EPB41L1: variants seen among roughly 807,000 people sequenced by gnomAD.
EPB41L1 encodes band 4.1-like protein 1.
A neutral mutation model predicts 97.8 loss-of-function variants in EPB41L1; 29 were observed. That is an observed-to-expected ratio of 0.30 (90% CI 0.22 to 0.40). The LOEUF (loss-of-function observed/expected upper bound fraction) is 0.40. EPB41L1 is among the 10% of genes least tolerant of loss of function. The pLI is 1.00. For missense variants in EPB41L1, 812 were observed against 1,162.3 expected (o/e 0.70, Z 4.38); for synonymous variants, 383 against 459.2 (o/e 0.83, Z 2.12).
In EPB41L1 at chr20:36,190,162, C is replaced by G. The variant is rs6060851; in HGVS notation, c.1027-115C>G. 1.2e-6 allele frequency: 1 copy of G among 851,302 alleles called. No homozygotes were observed. The highest frequency in any genetic ancestry group is 1.9e-6 in the Non-Finnish European group (1 of 516,332). 52.7% of individuals were successfully genotyped at this position (851,302 alleles called of 1,614,324 possible). On this transcript the variant is annotated intron_variant, in intron 9 of 21. Transcript: ENST00000338074. The surrounding 1 kb of genome is among the most constrained non-coding windows in gnomAD (Gnocchi z 5.8). ...CTGTACTCCACCCTGGGCAAATGAT[C>G]GAGACCCTGTGTCTCAAAAAAACAT...
At chr20:36,166,644 T>C (rs562042569) in intron 1 of EPB41L1, among the ~76,000 whole-genome samples, 1 of 152,086 alleles carries the variant, frequency 6.6e-6, no homozygotes, top group Non-Finnish European at 1.5e-5. Context: ...CCTAGCACTT[T>C]GGGAGGCCAA....
chr20:36,159,042 G>A (rs2060426634), intron 1 of EPB41L1, among the ~76,000 whole-genome samples: 1 of 152,152 alleles, frequency 6.6e-6, no homozygotes, highest in South Asian at 2.1e-4. Flanking sequence ...TTGGAGGGCT[G>A]GGGAGGGATC....
chr20:36,216,880 G>A (rs868804039), intron 17 of EPB41L1, among the ~76,000 whole-genome samples: 5 of 152,154 alleles, frequency 3.3e-5, no homozygotes, highest in East Asian at 3.8e-4. Context: ...GGATTTGGTC[G>A]TTGGTAGGAT....
intron 1 of EPB41L1, among the ~76,000 whole-genome samples, chr20:36,105,932 C>T (rs2058175798): frequency 6.6e-6 from 1 of 152,156 alleles, no homozygotes; most frequent in Non-Finnish European, 1.5e-5. Flanking sequence ...TTCCAGGGCC[C>T]TCTCCTCCCC....
intron 2 of EPB41L1, among the ~76,000 whole-genome samples, chr20:36,142,536 C>G (rs1182482141): frequency 1.3e-5 from 2 of 152,222 alleles, no homozygotes; most frequent in Admixed American, 1.3e-4. Context: ...GCTGCATTGA[C>G]ACTGTCTGAA....
At position 36,222,393 on chromosome 20, in the gene EPB41L1, A is replaced by G. The variant is rs1344626068; in HGVS notation, c.2636A>G (p.Gln879Arg). Residue 879 changes from glutamine (Q) to arginine (R), a missense_variant and splice_region_variant, in exon 21 of 22, where the codon CAG (glutamine) becomes CGG (arginine). Gln to Arg is a conservative substitution (Grantham distance 43). Coordinates refer to ENST00000338074, the MANE Select transcript of EPB41L1 (RefSeq NM_012156.2). ...CCAGAGGAGAGGGACAAGAAGCCAC[A>G]GGTAAGGCTCCTGAGGCCCAGCAAC... ...PSPEERDKKP[Q>R]ES The G allele has an allele frequency of 2.5e-6, 4 of 1,612,494 alleles. No individual in the cohort carries two copies. The highest frequency in any genetic ancestry group is 2.5e-6 in the Non-Finnish European group (3 of 1,178,750).
intron 2 of EPB41L1, chr20:36,121,868 A>T (rs1181675514): frequency 6.6e-6 from 1 of 152,440 alleles, no homozygotes; most frequent in Non-Finnish European, 1.5e-5. Flanking sequence ...GGAAGGCTGG[A>T]GTGGAGGTGG....
In EPB41L1 at chr20:36,132,372, A is replaced by G. The variant is rs1600482952; in HGVS notation, c.-10+19892A>G. 1.3e-5 allele frequency among the ~76,000 whole-genome samples: 2 copies of G among 152,002 alleles called. 1 individual carries two copies. The highest frequency in any genetic ancestry group is 6.8e-3 in the Middle Eastern group (2 of 294). On this transcript the variant is annotated intron_variant, in intron 2 of 19. Coordinates refer to the EPB41L1 transcript ENST00000202028. ...CCCTCCCACCTCTGCCTCCGTCATCATATCTCCTCCGATTCCCCCAAATCC... is the reference window on the plus strand; with the variant it reads ...CCCTCCCACCTCTGCCTCCGTCATCGTATCTCCTCCGATTCCCCCAAATCC...
At chr20:36,175,891 G>A (rs2061206347) in intron 3 of EPB41L1, among the ~76,000 whole-genome samples, 176 bp downstream of exon 3, 1 of 152,134 alleles carries the variant, frequency 6.6e-6, no homozygotes, top group Non-Finnish European at 1.5e-5. Context: ...ACCAAAGCCT[G>A]GAGAGAGTGG....
chr20:36,142,891 A>G (rs912492148), intron 2 of EPB41L1, among the ~76,000 whole-genome samples: 2 of 152,180 alleles, frequency 1.3e-5, no homozygotes, highest in African/African-American at 2.4e-5. Flanking sequence ...GTAGTCACCA[A>G]TCCAAGACAT....
chr20:36,118,510 A>G (rs1206637653), intron 2 of EPB41L1, among the ~76,000 whole-genome samples: 1 of 152,206 alleles, frequency 6.6e-6, no homozygotes, highest in African/African-American at 2.4e-5. Context: ...CCTAAGGAGC[A>G]TTGGAGTTTA....
chr20:36,209,425 A>G lies in EPB41L1; in HGVS notation c.1669-63A>G. 1 of 1,561,254 alleles carries G rather than the reference A, an allele frequency of 6.4e-7. No individual in the cohort carries two copies. Among genetic ancestry groups the G allele is most frequent in the Non-Finnish European group, 8.7e-7 (1 of 1,146,988 alleles). On this transcript the variant is annotated intron_variant, in intron 14 of 21. Coordinates refer to ENST00000338074, the MANE Select transcript of EPB41L1 (RefSeq NM_012156.2). The surrounding 1 kb of genome is among the most constrained non-coding windows in gnomAD (Gnocchi z 4.2). Reference sequence around the variant, plus strand: ...ATTTCTCCTGACATTCACCATCTTGATTTCTCTTTCTCTCTCTCTCCCCAC... The same window carrying G: ...ATTTCTCCTGACATTCACCATCTTGGTTTCTCTTTCTCTCTCTCTCCCCAC...
At chr20:36,156,111 C>T (rs575174546) in intron 1 of EPB41L1, among the ~76,000 whole-genome samples, 3 of 152,332 alleles carry the variant, frequency 2.0e-5, no homozygotes, top group African/African-American at 7.2e-5. Flanking sequence ...GCAGCCTGTG[C>T]CAGCCTCCCC....
rs532545086 is a variant in EPB41L1, at chr20:36,098,976, C to T, written c.-65+7364C>T. 2.4e-4 allele frequency among the ~76,000 whole-genome samples: 36 copies of T among 152,264 alleles called. No individual in the cohort carries two copies. The Middle Eastern group carries it at 0.01, about 43-fold the overall frequency. On this transcript the variant is annotated intron_variant, in intron 1 of 19. Coordinates refer to the EPB41L1 transcript ENST00000202028. ...CTGAGGTCAGGAGTTTGAGACCAGC[C>T]TGGCCAACATGGTGAAACGCTGTCT...
rs2064400450 is a variant in EPB41L1, at chr20:36,229,678, C to T, written c.*338C>T. The stretch of plus-strand genomic sequence containing the variant: ...AAAAAATTATATAATAACTATAATC[C>T]CTTGCTCACCCCTTTCCCCCGCCAA... On this transcript the variant is annotated 3_prime_UTR_variant, in exon 22 of 22. Coordinates refer to ENST00000338074, the MANE Select transcript of EPB41L1 (RefSeq NM_012156.2). 5.0e-6 allele frequency: 1 copy of T among 200,446 alleles called. No individual in the cohort carries two copies. The highest frequency in any genetic ancestry group is 1.1e-4 in the East Asian group (1 of 9,294). 12.4% of individuals were successfully genotyped at this position (200,446 alleles called of 1,614,324 possible). A position where few individuals can be genotyped will look rare whatever the true frequency, so the allele number is the denominator to read the frequency against.
At chr20:36,140,280 G>C (rs553074423) in intron 2 of EPB41L1, among the ~76,000 whole-genome samples, 21 of 138,264 alleles carry the variant, frequency 1.5e-4, no homozygotes, top group African/African-American at 5.7e-4. Flanking sequence ...CATGTTGGCC[G>C]TGCTGGTCTT....
At chr20:36,177,860 GT>G (rs1484029723) in intron 3 of EPB41L1, 91 bp from the exon 4 acceptor site, 4 of 1,055,422 alleles carry the variant, frequency 3.8e-6, no homozygotes, top group African/African-American at 1.6e-5. Flanking sequence ...GGCCCTTGGG[GT>G]TTTTGAATTG....
chr20:36,101,903 G>A (rs1355389066), intron 1 of EPB41L1, among the ~76,000 whole-genome samples: 5 of 152,112 alleles, frequency 3.3e-5, no homozygotes, highest in African/African-American at 1.2e-4. Context: ...TACTAGGGAA[G>A]ATGAGGCAGG....
chr20:36,132,778 G>C (rs1192805974), intron 2 of EPB41L1, among the ~76,000 whole-genome samples: 1 of 152,192 alleles, frequency 6.6e-6, no homozygotes, highest in Admixed American at 6.5e-5. Context: ...GTGCACCTGT[G>C]ATAGTGTGAT....
Sources: allele counts gnomAD v4.1 joint callset (sites outside exome capture counted in the v4.1 genomes callset), GRCh38; gene constraint gnomAD v4.1.1; non-coding constraint Gnocchi (gnomAD v3.1); transcripts MANE v1.5; gene names NCBI Gene and HGNC (gene_info 2026-07-23, HGNC 2026-07-21).